E2F3: variants seen among roughly 807,000 people sequenced by gnomAD.
E2F3 encodes the protein E2F transcription factor 3.
Under a neutral mutation model 44.4 loss-of-function variants are expected in E2F3, and 11 were observed. The ratio of observed to expected loss-of-function variants is 0.25; its 90% CI spans 0.16 to 0.41. E2F3 has a LOEUF of 0.41. Ranked by LOEUF, E2F3 falls within the 10% of genes least tolerant of loss-of-function variation. The probability of loss-of-function intolerance (pLI) is 1.00; values close to 1 mark genes in which losing one functional copy is unlikely to be tolerated. For synonymous variants in E2F3, 249 were observed against 253.0 expected, an observed-to-expected ratio of 0.98 and a Z score of 0.15; for missense variants, 487 against 583.6, an observed-to-expected ratio of 0.83 and a Z score of 1.70.
At chr6:20,420,152 A>G (rs1759977454) in intron 1 of E2F3, among the ~76,000 whole-genome samples, 1 of 152,206 alleles carries the variant, frequency 6.6e-6, no homozygotes, top group African/African-American at 2.4e-5. Context: ...TATTACTGCT[A>G]CTGACTAATG....
At chr6:20,484,124 A>G (rs1762316488) in intron 4 of E2F3, among the ~76,000 whole-genome samples, 1 of 152,110 alleles carries the variant, frequency 6.6e-6, no homozygotes, top group African/African-American at 2.4e-5. Context: ...GTTACATGTG[A>G]TTGGCAGCCT....
intron 1 of E2F3, among the ~76,000 whole-genome samples, chr6:20,413,655 G>A (rs79066550): frequency 0.021 from 3,122 of 151,514 alleles, 99 homozygotes; most frequent in African/African-American, 0.071. Context: ...GCACCAGCTG[G>A]GTACCCTTGA....
At chr6:20,421,122 C>A (rs57872186) in intron 1 of E2F3, among the ~76,000 whole-genome samples, 17 of 152,324 alleles carry the variant, frequency 1.1e-4, no homozygotes, top group South Asian at 2.1e-4. Flanking sequence ...CACCTATTAA[C>A]GCTCCATTTT....
chr6:20,433,430 T>G (rs1760470739), intron 1 of E2F3, among the ~76,000 whole-genome samples: 1 of 152,224 alleles, frequency 6.6e-6, no homozygotes, highest in Non-Finnish European at 1.5e-5. Flanking sequence ...GTGACTACCC[T>G]CTAACTGAAA....
At chr6:20,457,193 G>A (rs941806893) in intron 1 of E2F3, among the ~76,000 whole-genome samples, 6 of 151,634 alleles carry the variant, frequency 4.0e-5, no homozygotes, top group Non-Finnish European at 7.4e-5. Flanking sequence ...TTTTCTTTTT[G>A]AGAAGAAGTC....
At chr6:20,447,276 A>G (rs1241473091) in intron 1 of E2F3, among the ~76,000 whole-genome samples, 1 of 152,120 alleles carries the variant, frequency 6.6e-6, no homozygotes, top group Non-Finnish European at 1.5e-5. Context: ...TTTCTTGCCC[A>G]AGGGACAAAT....
intron 5 of E2F3, among the ~76,000 whole-genome samples, chr6:20,487,597 T>G (rs1762431312): frequency 1.3e-5 from 2 of 152,184 alleles, no homozygotes; most frequent in African/African-American, 4.8e-5. Context: ...AAGGACCTTG[T>G]AATAATTTGC....
intron 5 of E2F3, among the ~76,000 whole-genome samples, chr6:20,487,234 TAG>T (rs2127626428): frequency 6.6e-6 from 1 of 152,332 alleles, no homozygotes; most frequent in South Asian, 2.1e-4. Context: ...GCTGATAGAC[TAG>T]AATATTGCAA....
intron 1 of E2F3, among the ~76,000 whole-genome samples, chr6:20,424,338 A>G (rs1760135580): frequency 7.1e-6 from 1 of 140,634 alleles, no homozygotes; most frequent in Admixed American, 7.3e-5. Flanking sequence ...CCACGCATGC[A>G]CTTGAAATGC....
At chr6:20,404,050 G>A (rs1457727502) in intron 1 of E2F3, among the ~76,000 whole-genome samples, 1 of 152,150 alleles carries the variant, frequency 6.6e-6, no homozygotes, top group African/African-American at 2.4e-5. Flanking sequence ...GCCCCAGGGG[G>A]TGGGTATGGT....
intron 1 of E2F3, among the ~76,000 whole-genome samples, chr6:20,457,348 C>CTTTTTTTTTTTTT (rs60238519): frequency 3.7e-5 from 4 of 109,482 alleles, no homozygotes; most frequent in East Asian, 2.7e-4. Context: ...CTTATTTTTT[C>CTTTTTTTTTTTTT]TTTTTTTTTT....
intron 6 of E2F3, among the ~76,000 whole-genome samples, chr6:20,489,453 CAT>C (rs1762494280): frequency 6.6e-6 from 1 of 151,826 alleles, no homozygotes; most frequent in Non-Finnish European, 1.5e-5. Flanking sequence ...GCGTAGACAA[CAT>C]AGCAAGACGC....
At chr6:20,420,624 A>G (rs1456434482) in intron 1 of E2F3, among the ~76,000 whole-genome samples, 1 of 152,238 alleles carries the variant, frequency 6.6e-6, no homozygotes, top group Non-Finnish European at 1.5e-5. Context: ...CAACAGCATT[A>G]TATCAAAAAC....
At chr6:20,418,698 C>G (rs1369976524) in intron 1 of E2F3, among the ~76,000 whole-genome samples, 1 of 152,180 alleles carries the variant, frequency 6.6e-6, no homozygotes, top group Non-Finnish European at 1.5e-5. Context: ...TTAGTACCTT[C>G]CAGCTGTGGT....
At chr6:20,480,550 C>A (rs1762188914) in intron 2 of E2F3, among the ~76,000 whole-genome samples, 1 of 152,176 alleles carries the variant, frequency 6.6e-6, no homozygotes. Flanking sequence ...ATGCATTAGG[C>A]AATCCACAAA....
intron 1 of E2F3, among the ~76,000 whole-genome samples, chr6:20,466,132 G>A (rs992569045): frequency 2.0e-5 from 3 of 149,956 alleles, no homozygotes; most frequent in Non-Finnish European, 3.0e-5. Flanking sequence ...CGGGGGGTGT[G>A]GGCAGAGTCT....
At chr6:20,436,036 A>G (rs1048421466) in intron 1 of E2F3, among the ~76,000 whole-genome samples, 1 of 145,538 alleles carries the variant, frequency 6.9e-6, no homozygotes, top group Admixed American at 6.8e-5. Flanking sequence ...GCTGGAGTGC[A>G]GTGGTGTGAT....
At position 20,493,144 on chromosome 6, in the gene E2F3, G is replaced by A. The variant is rs1295247690; in HGVS notation, c.*2714G>A. 4.5e-6 allele frequency: 1 copy of A among 223,162 alleles called. No homozygotes were observed. Among genetic ancestry groups the A allele is most frequent in the Non-Finnish European group, 9.0e-6 (1 of 111,546 alleles). 13.8% of individuals were successfully genotyped at this position (223,162 alleles called of 1,614,324 possible). ...TATTTAGCAATTTTGTACAAAAATA[G>A]CAATTAATTTGTAAACACTGCCAGA... On this transcript the variant is annotated 3_prime_UTR_variant, in exon 7 of 7. Transcript: ENST00000346618.
chr6:20,403,561 T>G, intron 1 of E2F3: 1 of 444,714 alleles, frequency 2.2e-6, no homozygotes, highest in Non-Finnish European at 4.0e-6. Context: ...CGCCTGTGAC[T>G]GGGGAGGAGG....
Sources: gnomAD v4.1 joint callset for allele counts (sites outside exome capture counted in the v4.1 genomes callset) on GRCh38, gnomAD v4.1.1 for gene constraint, MANE v1.5 for transcripts, NCBI Gene and HGNC (gene_info 2026-07-23, HGNC 2026-07-21) for gene names.